Variants in LETM1 observed in about 807,000 individuals in gnomAD.
LETM1 encodes leucine zipper and EF-hand containing transmembrane protein 1.
A neutral mutation model predicts 74.5 loss-of-function variants in LETM1; 50 were observed. The observed-to-expected ratio is 0.67, with a 90% CI of 0.53 to 0.85. The LOEUF (loss-of-function observed/expected upper bound fraction) is 0.85, where lower values mean the gene tolerates loss of function less well. LETM1 is among the 40% of genes least tolerant of loss of function. The pLI, the probability that LETM1 is intolerant of heterozygous loss-of-function variation, is 0.00. For synonymous variants in LETM1, 446 were observed against 407.1 expected (o/e 1.10, Z -1.15); for missense variants, 824 against 967.8 (o/e 0.85, Z 1.97).
intron 5 of LETM1, 40 bp from the exon 6 acceptor site, chr4:1,832,987 C>A (rs769077865): frequency 4.4e-6 from 7 of 1,595,438 alleles, no homozygotes; most frequent in Non-Finnish European, 6.0e-6. Flanking sequence ...GGGACACGCG[C>A]CCACCCGGCT....
At chr4:1,823,908 G>T in intron 7 of LETM1, 133 bp from the exon 8 acceptor site, 3 of 1,046,920 alleles carry the variant, frequency 2.9e-6, no homozygotes, top group Non-Finnish European at 4.1e-6. Context: ...TCTGTTTGTT[G>T]CTGTGCTGCG....
At chr4:1,850,526 C>T (rs967481029) in intron 1 of LETM1, among the ~76,000 whole-genome samples, 1 of 151,722 alleles carries the variant, frequency 6.6e-6, no homozygotes, top group African/African-American at 2.4e-5. Flanking sequence ...CCGGACCGGG[C>T]GCAGTGGCTC....
chr4:1,821,191 C>G (rs2108837458), intron 10 of LETM1, among the ~76,000 whole-genome samples: 1 of 149,890 alleles, frequency 6.7e-6, no homozygotes, highest in South Asian at 2.1e-4. Flanking sequence ...CTCCCAGGTT[C>G]ACACCATTCT....
chr4:1,823,563 G>T, intron 8 of LETM1, 81 bp downstream of exon 8: 1 of 1,560,640 alleles, frequency 6.4e-7, no homozygotes. Context: ...GAATGAGTGC[G>T]CTTGCACACC....
intron 6 of LETM1, among the ~76,000 whole-genome samples, chr4:1,827,866 C>T (rs1333927154): frequency 6.8e-6 from 1 of 147,822 alleles, no homozygotes; most frequent in Admixed American, 6.6e-5. Flanking sequence ...TAGGGGCGGC[C>T]GGGCAGAGGC....
At chr4:1,820,126 G>A (rs534532706) in intron 10 of LETM1, among the ~76,000 whole-genome samples, 2 of 152,150 alleles carry the variant, frequency 1.3e-5, no homozygotes, top group South Asian at 2.1e-4. Context: ...TGTAAAGACG[G>A]CGTCTCACTA....
At chr4:1,822,412 G>A in intron 9 of LETM1, 100 bp from the exon 10 acceptor site, 1 of 1,254,000 alleles carries the variant, frequency 8.0e-7, no homozygotes. Flanking sequence ...CACACTGGGA[G>A]CAGGCCTGCA....
intron 2 of LETM1, among the ~76,000 whole-genome samples, chr4:1,845,539 C>CTTTTT (rs565953029): frequency 1.5e-5 from 2 of 137,416 alleles, no homozygotes; most frequent in African/African-American, 5.3e-5. Context: ...ATTCTTTTTT[C>CTTTTT]TTTTTTTTTT....
chr4:1,828,363 G>A (rs1247632056), intron 6 of LETM1, among the ~76,000 whole-genome samples: 11 of 124,970 alleles, frequency 8.8e-5, no homozygotes, highest in South Asian at 2.6e-4. Context: ...CGGGGCGGCT[G>A]GCCGGGCGGG....
chr4:1,843,784 T>C (rs1039917865), intron 2 of LETM1, among the ~76,000 whole-genome samples: 3 of 152,068 alleles, frequency 2.0e-5, no homozygotes, highest in Non-Finnish European at 4.4e-5. Flanking sequence ...TCTCCTCAGC[T>C]CTGGGGTCAC....
In LETM1 at chr4:1,836,855, C is replaced by T. The variant is rs532537001; in HGVS notation, c.595-283G>A. Among the ~76,000 whole-genome samples, 12 of 152,076 alleles carry T rather than the reference C, an allele frequency of 7.9e-5. No homozygotes were observed. The highest frequency in any genetic ancestry group is 2.6e-4 in the Admixed American group (4 of 15,260). Reference sequence around the variant, plus strand: ...CAGCGATCGAGTCCTCCGAGGACACCGGCCAGCACTCTGGGCTCGGGGGCC... The same window carrying T: ...CAGCGATCGAGTCCTCCGAGGACACTGGCCAGCACTCTGGGCTCGGGGGCC... On this transcript the variant is annotated intron_variant, in intron 3 of 13. Coordinates refer to ENST00000302787, the MANE Select transcript of LETM1 (RefSeq NM_012318.3). The surrounding 1 kb of genome is among the most constrained non-coding windows in gnomAD (Gnocchi z 5.8).
chr4:1,835,346 C>T (rs1281856491), intron 4 of LETM1, among the ~76,000 whole-genome samples: 1 of 151,654 alleles, frequency 6.6e-6, no homozygotes, highest in Non-Finnish European at 1.5e-5. Context: ...GGCTGAGGCA[C>T]AAGAATCGCT....
intron 6 of LETM1, among the ~76,000 whole-genome samples, chr4:1,828,956 C>T (rs1712142424): frequency 2.6e-5 from 3 of 113,620 alleles, no homozygotes; most frequent in Admixed American, 2.3e-4. Context: ...GCGCCCCTCA[C>T]CTCCCGGACG....
chr4:1,821,844 C>A (rs1469736829), intron 10 of LETM1, among the ~76,000 whole-genome samples: 2 of 152,202 alleles, frequency 1.3e-5, no homozygotes. Flanking sequence ...ACATTGGCTT[C>A]CACACCCCTT....
At chr4:1,839,999 C>T (rs550345457) in intron 3 of LETM1, among the ~76,000 whole-genome samples, 56 of 150,382 alleles carry the variant, frequency 3.7e-4, no homozygotes, top group Non-Finnish European at 7.1e-4. Flanking sequence ...TAATCAAACC[C>T]AAAGGGGTGG....
chr4:1,849,927 C>G (rs1381587987), intron 1 of LETM1, among the ~76,000 whole-genome samples: 1 of 152,062 alleles, frequency 6.6e-6, no homozygotes, highest in Non-Finnish European at 1.5e-5. Context: ...GAGGCAAAGG[C>G]GAGTGGATCA....
At chr4:1,841,212 G>T in intron 3 of LETM1, 135 bp downstream of exon 3, 1 of 736,272 alleles carries the variant, frequency 1.4e-6, no homozygotes, top group Non-Finnish European at 2.2e-6. Context: ...AGGTGTGGTG[G>T]CACATGCCTG....
chr4:1,843,013 G>A, intron 2 of LETM1: 1 of 377,842 alleles, frequency 2.6e-6, no homozygotes, highest in South Asian at 2.0e-5. Flanking sequence ...CACCTAAAAG[G>A]CCATGTGTGT....
intron 6 of LETM1, among the ~76,000 whole-genome samples, chr4:1,827,724 A>G (rs1337945293): frequency 6.9e-6 from 1 of 145,476 alleles, no homozygotes; most frequent in East Asian, 2.1e-4. Context: ...CGATTTCTCA[A>G]TCTTTTCCCC....
Sources: gnomAD v4.1 joint callset for allele counts (sites outside exome capture counted in the v4.1 genomes callset) on GRCh38, gnomAD v4.1.1 for gene constraint, Gnocchi (gnomAD v3.1) non-coding constraint, MANE v1.5 for transcripts, NCBI Gene and HGNC (gene_info 2026-07-23, HGNC 2026-07-21) for gene names.